The following DRG1 variants were observed in gnomAD, a reference collection of about 807,000 sequenced individuals.
The protein encoded by DRG1 is developmentally-regulated GTP-binding protein 1.
DRG1 carries 19 observed loss-of-function variants against 38.8 expected under a neutral mutation model. The ratio of observed to expected loss-of-function variants is 0.49; its 90% confidence interval spans 0.34 to 0.72. The LOEUF is 0.72. DRG1 is among the 30% of genes least tolerant of loss of function. The probability of loss-of-function intolerance (pLI) is 0.01; values close to 1 mark genes in which losing one functional copy is unlikely to be tolerated. For missense variants in DRG1, 299 were observed against 444.8 expected (o/e 0.67, Z 2.95); for synonymous variants, 167 against 157.5 (o/e 1.06, Z -0.45).
At chr22:31,401,752 T>G (rs2049962132) in intron 2 of DRG1, among the ~76,000 whole-genome samples, 1 of 151,694 alleles carries the variant, frequency 6.6e-6, no homozygotes, top group Non-Finnish European at 1.5e-5. Context: ...CGAGATCTCA[T>G]CTTAAGAAAA....
At position 31,409,843 on chromosome 22, in the gene DRG1, AATTAGTCAG is replaced by A. The variant is rs695512; in HGVS notation, c.343-1166_343-1158del. ...ACCCTGACTCTACTAAAATACAAAA[AATTAGTCAG>A]ATATGGTGGCATATGCCCTGTAGTC... On this transcript the variant is annotated intron_variant, in intron 3 of 8. Transcript: ENST00000331457. Among the ~76,000 whole-genome samples, 784 of 152,114 alleles carry A rather than the reference AATTAGTCAG, an allele frequency of 5.2e-3. 5 individuals carry two copies. Among genetic ancestry groups the A allele is most frequent in the African/African-American group, 0.018 (742 of 41,512 alleles).
chr22:31,412,372 A>G, intron 4 of DRG1, among the ~76,000 whole-genome samples: 2 of 123,458 alleles, frequency 1.6e-5, no homozygotes, highest in Non-Finnish European at 3.3e-5. Context: ...TTTTTTTGAG[A>G]TGGAGTCTCG....
chr22:31,423,278 A>C lies in DRG1; in HGVS notation c.583-2A>C. The C allele has an allele frequency of 6.2e-7, 1 of 1,613,822 alleles. No individual in the cohort carries two copies. The highest frequency in any genetic ancestry group is 2.2e-5 in the East Asian group (1 of 44,874). On this transcript the variant is annotated splice_acceptor_variant, in intron 5 of 8. Transcript: ENST00000331457. LOFTEE classifies it high-confidence loss of function. ...GACTAGTCATCTGCTATTCCCTTTC[A>C]GTGCCCCCAGAGTGAGCTGGATGCT...
intron 8 of DRG1, among the ~76,000 whole-genome samples, chr22:31,432,802 G>A (rs1396589044): frequency 3.0e-4 from 45 of 151,858 alleles, no homozygotes; most frequent in Admixed American, 2.7e-3. Flanking sequence ...CTCGTGATCC[G>A]CCCGCCTCAG....
intron 8 of DRG1, among the ~76,000 whole-genome samples, chr22:31,430,941 C>T (rs1382079834): frequency 1.3e-5 from 2 of 149,818 alleles, no homozygotes; most frequent in East Asian, 2.0e-4. Context: ...TGGTCTCGAA[C>T]TCCTGGGTTC....
rs375750965 is a variant in DRG1 at position 31,399,698 on chromosome 22, A to G, written c.15A>G (p.Leu5=). Residue 5 remains leucine (L), a synonymous_variant, in exon 1 of 9, where the codon TTA becomes TTG. Transcript: ENST00000331457. The stretch of plus-strand genomic sequence containing the variant: ...TACTCGCCACGATGAGCAGCACCTT[A>G]GCTAAGATCGCGGAGATAGAAGCAG... MSST[L]AKIAEIEAEM... The G allele has an allele frequency of 6.2e-7, 1 of 1,613,992 alleles. No individual in the cohort carries two copies. Among genetic ancestry groups the G allele is most frequent in the East Asian group, 2.2e-5 (1 of 44,882 alleles).
intron 3 of DRG1, 141 bp downstream of exon 3, chr22:31,403,345 G>C (rs1003126244): frequency 1.1e-6 from 1 of 939,246 alleles, no homozygotes; most frequent in Non-Finnish European, 1.5e-6. Flanking sequence ...AGAGCAGTAC[G>C]ATAATAAAAT....
At chr22:31,412,706 T>C (rs1232324679) in intron 4 of DRG1, among the ~76,000 whole-genome samples, 1 of 150,790 alleles carries the variant, frequency 6.6e-6, no homozygotes, top group Admixed American at 6.6e-5. Context: ...TTTTTTTTTC[T>C]TTTTTTTTGA....
At chr22:31,400,779 A>G in intron 2 of DRG1, 36 bp downstream of exon 2, 2 of 1,589,270 alleles carry the variant, frequency 1.3e-6, no homozygotes, top group Non-Finnish European at 8.6e-7. Context: ...ATTTTTAGGT[A>G]TAATTTTTGT....
rs144937864 is a variant in DRG1, at chr22:31,402,338, A to C, written c.167-691A>C. ...CCCAGTCAGTCATACAATTTACAGA[A>C]TTTGAAAGACAAAAAAACAAAAACA... On this transcript the variant is annotated intron_variant, in intron 2 of 8. Coordinates refer to ENST00000331457, the MANE Select transcript of DRG1 (RefSeq NM_004147.4). Among the ~76,000 whole-genome samples the C allele has an allele frequency of 4.3e-3, 648 of 152,178 alleles. 1 individual carries two copies. The highest frequency in any genetic ancestry group is 9.5e-3 in the Admixed American group (145 of 15,270).
At position 31,434,022 on chromosome 22, in the gene DRG1, G is replaced by C. The variant is rs1601538785; in HGVS notation, c.*51G>C. ...GACGAACCACAACAGCGTTCCCCAT[G>C]ATCAAGCACCCTACCCCAGTTCTTT... On this transcript the variant is annotated 3_prime_UTR_variant, in exon 9 of 9. Transcript: ENST00000331457. 6.5e-7 allele frequency: 1 copy of C among 1,546,818 alleles called. No individual in the cohort carries two copies. Among genetic ancestry groups the C allele is most frequent in the Non-Finnish European group, 8.9e-7 (1 of 1,123,424 alleles).
At chr22:31,402,550 C>T (rs2049968969) in intron 2 of DRG1, among the ~76,000 whole-genome samples, 2 of 146,250 alleles carry the variant, frequency 1.4e-5, no homozygotes, top group Non-Finnish European at 3.0e-5. Flanking sequence ...GCTCTGTTGC[C>T]CAGGCTGGAG....
chr22:31,414,373 G>T (rs1275634554), intron 4 of DRG1, among the ~76,000 whole-genome samples: 1 of 152,058 alleles, frequency 6.6e-6, no homozygotes. Context: ...GCTGAGGCGG[G>T]AGGATCACTT....
chr22:31,401,461 C>T (rs1229316159), intron 2 of DRG1, among the ~76,000 whole-genome samples: 1 of 150,650 alleles, frequency 6.6e-6, no homozygotes, highest in Non-Finnish European at 1.5e-5. Flanking sequence ...TGCCTGTAAT[C>T]CCAGCTATTT....
intron 8 of DRG1, among the ~76,000 whole-genome samples, chr22:31,429,101 A>G (rs1296645471): frequency 1.3e-5 from 2 of 151,962 alleles, no homozygotes; most frequent in Non-Finnish European, 2.9e-5. Context: ...TTTGCCTGCT[A>G]TTAGCATCTA....
At chr22:31,416,137 G>A (rs184570133) in intron 4 of DRG1, among the ~76,000 whole-genome samples, 2 of 151,914 alleles carry the variant, frequency 1.3e-5, no homozygotes, top group African/African-American at 4.8e-5. Context: ...GGCAAAACCC[G>A]ATCTCTACTA....
intron 8 of DRG1, among the ~76,000 whole-genome samples, chr22:31,433,555 G>A (rs972356290): frequency 5.3e-5 from 8 of 152,208 alleles, no homozygotes; most frequent in Admixed American, 2.6e-4. Context: ...ACAGGCATGA[G>A]CCCCTGCGCC....
intron 4 of DRG1, among the ~76,000 whole-genome samples, chr22:31,417,065 A>G (rs2050048518): frequency 6.9e-6 from 1 of 145,780 alleles, no homozygotes; most frequent in African/African-American, 2.5e-5. Context: ...CCCTGTCTCA[A>G]AAAAAAAAAT....
At chr22:31,417,236 G>T (rs896930376) in intron 4 of DRG1, among the ~76,000 whole-genome samples, 6 of 151,296 alleles carry the variant, frequency 4.0e-5, no homozygotes, top group African/African-American at 9.7e-5. Context: ...TGGGTGTGGT[G>T]GTGCGCGCCT....
Sources: gnomAD v4.1 joint callset for allele counts (sites outside exome capture counted in the v4.1 genomes callset) on GRCh38, gnomAD v4.1.1 for gene constraint, MANE v1.5 for transcripts, NCBI Gene and HGNC (gene_info 2026-07-23, HGNC 2026-07-21) for gene names.